Variants in CABLES1 observed in about 807,000 individuals in gnomAD.
The protein encoded by CABLES1 is CDK5 and ABL1 enzyme substrate 1.
A neutral mutation model predicts 57.8 loss-of-function variants in CABLES1; 36 were observed. The observed-to-expected ratio is 0.62, with a 90% CI of 0.48 to 0.82. CABLES1 has a LOEUF of 0.82. Among genes scored for constraint, CABLES1 ranks in the 40% least tolerant of loss-of-function variants. The pLI is 0.00. For synonymous variants in CABLES1, 374 were observed against 363.0 expected (o/e 1.03, Z -0.35); for missense variants, 767 against 836.6 (o/e 0.92, Z 1.03).
chr18:23,154,847 T>A (rs1289363047), intron 1 of CABLES1, among the ~76,000 whole-genome samples: 1 of 152,236 alleles, frequency 6.6e-6, no homozygotes, highest in Non-Finnish European at 1.5e-5. Context: ...TGTTTTAGGA[T>A]GGGCCAGTGT....
At chr18:23,156,072 C>T (rs945674824) in intron 1 of CABLES1, 23 of 1,212,170 alleles carry the variant, frequency 1.9e-5, no homozygotes, top group African/African-American at 1.0e-4. Flanking sequence ...CCTGGAAAAG[C>T]GGGATGTCAG....
chr18:23,172,845 C>A (rs1022312024), intron 1 of CABLES1, among the ~76,000 whole-genome samples: 2 of 152,130 alleles, frequency 1.3e-5, no homozygotes, highest in Non-Finnish European at 2.9e-5. Flanking sequence ...TATTTCCAAG[C>A]GAGCTGTTAA....
In CABLES1 at chr18:23,185,073, C is replaced by T. The variant is rs111971030; in HGVS notation, c.846-3765C>T. Among the ~76,000 whole-genome samples, 1,225 of 152,268 alleles carry T rather than the reference C, an allele frequency of 8.0e-3. 17 individuals carry two copies. Among genetic ancestry groups the T allele is most frequent in the African/African-American group, 0.029 (1,193 of 41,544 alleles). ...CCTGTTCAGCTCCTGAGGGGAATTACCGAATATGCTGGGTTTTAGAAAAAC... is the reference window on the plus strand; with the variant it reads ...CCTGTTCAGCTCCTGAGGGGAATTATCGAATATGCTGGGTTTTAGAAAAAC... On this transcript the variant is annotated intron_variant, in intron 1 of 9. Coordinates refer to ENST00000256925, the MANE Select transcript of CABLES1 (RefSeq NM_001100619.3).
At chr18:23,194,901 C>A (rs935674719) in intron 3 of CABLES1, among the ~76,000 whole-genome samples, 8 of 152,278 alleles carry the variant, frequency 5.3e-5, no homozygotes, top group Admixed American at 3.3e-4. Flanking sequence ...TTTTTCACTA[C>A]CACTGTGTGC....
At position 23,225,698 on chromosome 18, in the gene CABLES1, C is replaced by A. The variant is rs190015804; in HGVS notation, c.1089-8910C>A. On this transcript the variant is annotated intron_variant, in intron 4 of 9. Transcript: ENST00000256925. ...CTCCTTTTTCCTCAACTAACACTTG[C>A]CAAGGCCAGCCTGAATCTTTCTGCC... Among the ~76,000 whole-genome samples the A allele has an allele frequency of 8.5e-5, 13 of 152,358 alleles. No homozygotes were observed. In the East Asian group the frequency reaches 2.5e-3, roughly 29 times the overall value.
At chr18:23,159,208 A>G (rs1353905191) in intron 1 of CABLES1, among the ~76,000 whole-genome samples, 1 of 152,138 alleles carries the variant, frequency 6.6e-6, no homozygotes, top group Non-Finnish European at 1.5e-5. Context: ...CAAGTAATCC[A>G]CCCGCCTTGG....
intron 7 of CABLES1, among the ~76,000 whole-genome samples, chr18:23,242,999 T>G (rs1032645295): frequency 6.6e-6 from 1 of 151,272 alleles, no homozygotes; most frequent in African/African-American, 2.4e-5. Flanking sequence ...TCCCCCAATA[T>G]ACATACAGTA....
intron 7 of CABLES1, among the ~76,000 whole-genome samples, chr18:23,248,512 C>CTTTTTTTTTTTTTTT (rs59555750): frequency 1.8e-4 from 16 of 90,724 alleles, no homozygotes; most frequent in South Asian, 1.3e-3. Context: ...GACCCTATGT[C>CTTTTTTTTTTTTTTT]TTTTTTTTTT....
At chr18:23,172,632 AG>A (rs1467618084) in intron 1 of CABLES1, among the ~76,000 whole-genome samples, 2 of 152,218 alleles carry the variant, frequency 1.3e-5, no homozygotes, top group Non-Finnish European at 2.9e-5. Flanking sequence ...TTTGGTATAA[AG>A]GGTCCATTCA....
chr18:23,204,705 G>T (rs1316687821), intron 3 of CABLES1: 2 of 152,366 alleles, frequency 1.3e-5, no homozygotes, highest in African/African-American at 4.8e-5. Flanking sequence ...GTTCCATACG[G>T]CTGGGGAGGC....
rs979810121 is a variant in CABLES1 at position 23,174,479 on chromosome 18, C to CT, written c.846-14349dup. The stretch of plus-strand genomic sequence containing the variant: ...ATATGGGGTGACTCTGTGTTTAAAA[C>CT]TTTTTTTTTTGAGACAGAGTCTCGC... On this transcript the variant is annotated intron_variant, in intron 1 of 9. Transcript: ENST00000256925. 2.0e-3 allele frequency among the ~76,000 whole-genome samples: 300 copies of CT among 148,284 alleles called. No individual in the cohort carries two copies. The Middle Eastern group carries it at 0.035, about 17-fold the overall frequency.
At chr18:23,206,992 A>G (rs1481975976) in intron 3 of CABLES1, among the ~76,000 whole-genome samples, 1 of 151,934 alleles carries the variant, frequency 6.6e-6, no homozygotes, top group East Asian at 1.9e-4. Flanking sequence ...TTTTCTTCTT[A>G]GTAGAGACAA....
chr18:23,195,708 T>C (rs1283318698), intron 3 of CABLES1, among the ~76,000 whole-genome samples: 1 of 152,274 alleles, frequency 6.6e-6, no homozygotes, highest in Non-Finnish European at 1.5e-5. Context: ...ACAATGCTTT[T>C]AGTTTAAATT....
chr18:23,255,237 G>A (rs1050044199), intron 9 of CABLES1, among the ~76,000 whole-genome samples: 4 of 152,084 alleles, frequency 2.6e-5, no homozygotes, highest in Non-Finnish European at 5.9e-5. Flanking sequence ...CCTGGGAAGG[G>A]CAGTCCCTCT....
At chr18:23,225,184 T>C (rs2047519294) in intron 4 of CABLES1, among the ~76,000 whole-genome samples, 1 of 152,226 alleles carries the variant, frequency 6.6e-6, no homozygotes, top group African/African-American at 2.4e-5. Flanking sequence ...AGCTATTATG[T>C]TGCTCTTTCT....
intron 1 of CABLES1, among the ~76,000 whole-genome samples, chr18:23,172,464 C>T (rs976834513): frequency 6.6e-6 from 1 of 152,196 alleles, no homozygotes; most frequent in Non-Finnish European, 1.5e-5. Flanking sequence ...AAGGATCTTG[C>T]TCTAAAGAAG....
At chr18:23,202,070 G>A (rs751656049) in intron 3 of CABLES1, among the ~76,000 whole-genome samples, 6 of 152,210 alleles carry the variant, frequency 3.9e-5, no homozygotes, top group Non-Finnish European at 7.3e-5. Context: ...AGGAAGGCGA[G>A]ATGAGCTCTG....
Position 23,253,633 on chromosome 18 carries a change from G to T in CABLES1, c.1554-96G>T, listed in dbSNP as rs529992229. ...CCAGTCCAGATCACCCTCTGGGAAA[G>T]AGAAAGAGAAAAAGCATTCAAGATG... On this transcript the variant is annotated intron_variant, in intron 8 of 9. Transcript: ENST00000256925. The T allele has an allele frequency of 1.7e-5, 18 of 1,032,210 alleles. No individual in the cohort carries two copies. In the East Asian group the frequency reaches 2.1e-4, roughly 12 times the overall value. 63.9% of individuals were successfully genotyped at this position (1,032,210 alleles called of 1,614,324 possible).
intron 7 of CABLES1, among the ~76,000 whole-genome samples, chr18:23,250,174 G>A (rs548999173): frequency 6.6e-6 from 1 of 152,344 alleles, no homozygotes; most frequent in African/African-American, 2.4e-5. Context: ...AAATCCACAT[G>A]ATCGTTAAGC....
Sources: gnomAD v4.1 joint callset for allele counts (sites outside exome capture counted in the v4.1 genomes callset) on GRCh38, gnomAD v4.1.1 for gene constraint, MANE v1.5 for transcripts, NCBI Gene and HGNC (gene_info 2026-07-23, HGNC 2026-07-21) for gene names.